Variants in ESF1 observed in about 807,000 individuals in gnomAD.
The protein encoded by ESF1 is ESF1 nucleolar pre-rRNA processing protein, also known as ESF1 homolog.
ESF1 carries 58 observed loss-of-function variants against 92.0 expected under a neutral mutation model. The observed-to-expected ratio is 0.63, with a 90% CI of 0.51 to 0.78. The LOEUF (loss-of-function observed/expected upper bound fraction) is 0.78. Ranked by LOEUF, ESF1 falls within the 30% of genes least tolerant of loss-of-function variation. The pLI, the probability that ESF1 is intolerant of heterozygous loss-of-function variation, is 0.00. For missense variants in ESF1, 922 were observed against 989.1 expected, an observed-to-expected ratio of 0.93 and a Z score of 0.91; for synonymous variants, 321 against 313.7, an observed-to-expected ratio of 1.02 and a Z score of -0.24.
chr20:13,759,850 T>G lies in ESF1; in HGVS notation c.1670A>C (p.Asp557Ala). Reference sequence around the variant, plus strand: ...ATCTTCTTCTACATTGACTCCATCATCACCTAATGAAAAAAAAATTCACTT... The same window carrying G: ...ATCTTCTTCTACATTGACTCCATCAGCACCTAATGAAAAAAAAATTCACTT... The part of the protein sequence containing the change: ...EEEIEEELQG[D>A]DGVNVEEDGK... Residue 557 changes from aspartate (D) to alanine (A), a missense_variant, in exon 9 of 14, where the codon GAT becomes GCT. Transcript: ENST00000617257. 1 of 1,585,790 alleles carries G rather than the reference T, an allele frequency of 6.3e-7. No individual in the cohort carries two copies. The highest frequency in any genetic ancestry group is 8.5e-7 in the Non-Finnish European group (1 of 1,172,266).
intron 11 of ESF1, among the ~76,000 whole-genome samples, chr20:13,721,647 CCT>C (rs2049868908): frequency 6.6e-6 from 1 of 152,154 alleles, no homozygotes. Context: ...TTTAGAAACT[CCT>C]CTGTGTGTAT....
chr20:13,734,180 T>C (rs972357951), intron 9 of ESF1, among the ~76,000 whole-genome samples: 1 of 152,222 alleles, frequency 6.6e-6, no homozygotes, highest in Non-Finnish European at 1.5e-5. Flanking sequence ...TGTTTTGAGA[T>C]GCTAAGAAAA....
intron 9 of ESF1, among the ~76,000 whole-genome samples, chr20:13,752,669 G>C (rs1286698961): frequency 6.6e-6 from 1 of 152,094 alleles, no homozygotes; most frequent in Non-Finnish European, 1.5e-5. Context: ...TAAATAAAAA[G>C]AATGAATAAT....
At chr20:13,733,115 A>G (rs545764589) in intron 10 of ESF1, among the ~76,000 whole-genome samples, 7 of 148,664 alleles carry the variant, frequency 4.7e-5, no homozygotes, top group African/African-American at 1.8e-4. Context: ...TAGTAGAGGC[A>G]GGGTTTCGCC....
At chr20:13,775,573 A>C (rs1263994485) in intron 3 of ESF1, among the ~76,000 whole-genome samples, 1 of 152,204 alleles carries the variant, frequency 6.6e-6, no homozygotes, top group Admixed American at 6.5e-5. Flanking sequence ...TGAGTAAGGA[A>C]GTTGAGTATG....
Position 13,714,920 on chromosome 20 carries a change from GT to G in ESF1, c.2509del (p.Thr837ProfsTer58). The G allele has an allele frequency of 6.2e-7, 1 of 1,612,516 alleles. No homozygotes were observed. Among genetic ancestry groups the G allele is most frequent in the Non-Finnish European group, 8.5e-7 (1 of 1,179,436 alleles). On this transcript the variant is annotated frameshift_variant, in exon 14 of 14. Transcript: ENST00000617257. LOFTEE classifies it high-confidence loss of function. ...ALSMLIKSIK[T>X]KTEQFQARKK... ...TCTTGCTTGAAACTGCTCTGTTTTGGTTTTTATAGATTTAATCAACATTGAC... is the reference window on the plus strand; with the variant it reads ...TCTTGCTTGAAACTGCTCTGTTTTGGTTTTATAGATTTAATCAACATTGAC...
At chr20:13,722,334 T>A (rs1297276507) in intron 11 of ESF1, among the ~76,000 whole-genome samples, 1 of 152,214 alleles carries the variant, frequency 6.6e-6, no homozygotes, top group Non-Finnish European at 1.5e-5. Flanking sequence ...ACTATGATGT[T>A]AGACTGAATT....
At chr20:13,753,573 T>C (rs1381643103) in intron 9 of ESF1, among the ~76,000 whole-genome samples, 1 of 152,030 alleles carries the variant, frequency 6.6e-6, no homozygotes, top group Non-Finnish European at 1.5e-5. Flanking sequence ...CTCTTTCCAA[T>C]ACTCCTGTCA....
chr20:13,720,812 A>T (rs922522377), intron 11 of ESF1, among the ~76,000 whole-genome samples: 17 of 152,230 alleles, frequency 1.1e-4, no homozygotes, highest in African/African-American at 4.1e-4. Context: ...CTCAATGTAT[A>T]AATTTTCATA....
At chr20:13,735,699 G>A (rs1418361716) in intron 9 of ESF1, among the ~76,000 whole-genome samples, 1 of 152,104 alleles carries the variant, frequency 6.6e-6, no homozygotes. Context: ...ACTCTTTGAA[G>A]TATTCTACTA....
Position 13,762,996 on chromosome 20 carries a change from G to C in ESF1, c.1667-3143C>G, listed in dbSNP as rs187588451. The C allele has an allele frequency of 6.9e-4, 156 of 226,200 alleles. 1 individual carries two copies. The highest frequency in any genetic ancestry group is 3.2e-3 in the African/African-American group (132 of 41,872). The allele number at this position is 226,200 out of a possible 1,614,324, so 14.0% of individuals were successfully genotyped here. On this transcript the variant is annotated intron_variant, in intron 8 of 13. Transcript: ENST00000617257. ...CTGCCTCAGCCTCCAGAGTAGCTGG[G>C]ACTACAGGCGCCCGCCACTACGCCC...
chr20:13,748,591 TA>T lies in ESF1; in HGVS notation c.1828+11100del, dbSNP rs1357548742. Among the ~76,000 whole-genome samples, 152 of 16,354 alleles carry T rather than the reference TA, an allele frequency of 9.3e-3. 3 individuals are homozygous for T. The highest frequency in any genetic ancestry group is 0.014 in the Non-Finnish European group (131 of 9,224). The allele number at this position is 16,354 out of a possible 152,430, so 10.7% of individuals were successfully genotyped here. A position where few individuals can be genotyped will look rare whatever the true frequency, so the allele number is the denominator to read the frequency against. On this transcript the variant is annotated intron_variant, in intron 9 of 13. Transcript: ENST00000617257. Reference sequence around the variant, plus strand: ...GTGTGTGTGTATATATATATATATATATTTTTTTTTTTTTGAGATGGAGTGT... The same window carrying T: ...GTGTGTGTGTATATATATATATATATTTTTTTTTTTTTTGAGATGGAGTGT...
Position 13,784,881 on chromosome 20 carries a change from G to A in ESF1, c.-45C>T. 1 of 609,482 alleles carries A rather than the reference G, an allele frequency of 1.6e-6. No homozygotes were observed. The highest frequency in any genetic ancestry group is 2.9e-6 in the Non-Finnish European group (1 of 344,952). The allele number at this position is 609,482 out of a possible 1,614,324, so 37.8% of individuals were successfully genotyped here. On this transcript the variant is annotated splice_region_variant and 5_prime_UTR_variant, in exon 1 of 14. In the 5' UTR this introduces an upstream ATG that the reference lacks. Coordinates refer to ENST00000617257, the MANE Select transcript of ESF1 (RefSeq NM_001276380.2). Reference sequence around the variant, plus strand: ...CAACTCCAGTCCATCCCCACTCACCGTCCGCAGTCCTACCAAGCCTCACGT... The same window carrying A: ...CAACTCCAGTCCATCCCCACTCACCATCCGCAGTCCTACCAAGCCTCACGT...
In ESF1 at chr20:13,759,759, C is replaced by A. The variant is rs778781338; in HGVS notation, c.1761G>T (p.Gln587His). The A allele has an allele frequency of 6.4e-7, 1 of 1,570,024 alleles. No homozygotes were observed. Among genetic ancestry groups the A allele is most frequent in the East Asian group, 2.3e-5 (1 of 42,696 alleles). ...EQIAKYRQLL[Q>H]VIQEKEKKGK... ...CTTTCTTTTCTTTTTCTTGAATAACCTGCAAGAGCTGCCTGTATTTAGCAA... is the reference window on the plus strand; with the variant it reads ...CTTTCTTTTCTTTTTCTTGAATAACATGCAAGAGCTGCCTGTATTTAGCAA... Residue 587 changes from glutamine to histidine, a missense_variant, in exon 9 of 14, where the codon CAG becomes CAT. Transcript: ENST00000617257.
intron 7 of ESF1, among the ~76,000 whole-genome samples, 173 bp downstream of exon 7, chr20:13,769,734 T>C (rs1159543522): frequency 6.6e-6 from 1 of 152,106 alleles, no homozygotes; most frequent in Non-Finnish European, 1.5e-5. Flanking sequence ...TACAGTGAAC[T>C]GAGATCATAC....
intron 9 of ESF1, among the ~76,000 whole-genome samples, chr20:13,759,013 A>G (rs1241021058): frequency 6.6e-6 from 1 of 152,188 alleles, no homozygotes; most frequent in African/African-American, 2.4e-5. Context: ...ACCAACAATA[A>G]AACAGAATAA....
intron 9 of ESF1, among the ~76,000 whole-genome samples, chr20:13,751,166 A>G (rs6079161): frequency 0.1 from 15,946 of 152,280 alleles, 890 homozygotes; most frequent in Non-Finnish European, 0.13. Context: ...AGTAGTATGA[A>G]TGAGTTCTGT....
chr20:13,750,533 TA>T (rs1430758433), intron 9 of ESF1, among the ~76,000 whole-genome samples: 1 of 151,800 alleles, frequency 6.6e-6, no homozygotes, highest in Non-Finnish European at 1.5e-5. Flanking sequence ...AACAAAAAAG[TA>T]AAGTACTTAC....
Position 13,742,250 on chromosome 20 carries a change from C to G in ESF1, c.1829-8408G>C, listed in dbSNP as rs554774678. Among the ~76,000 whole-genome samples the G allele has an allele frequency of 9.2e-5, 14 of 152,090 alleles. No individual in the cohort carries two copies. In the South Asian group the frequency reaches 2.5e-3, roughly 27 times the overall value. ...GGGTGTGGTGGTGGACGCCTGTAAT[C>G]CCAGCTACTTGGGAGTTTGAGACCA... On this transcript the variant is annotated intron_variant, in intron 9 of 13. Transcript: ENST00000617257.
Sources: gnomAD v4.1 joint callset for allele counts (sites outside exome capture counted in the v4.1 genomes callset) on GRCh38, gnomAD v4.1.1 for gene constraint, MANE v1.5 for transcripts, NCBI Gene and HGNC (gene_info 2026-07-23, HGNC 2026-07-21) for gene names.